The following PPFIA2 variants were observed in gnomAD, a reference collection of about 807,000 sequenced individuals.
PPFIA2 encodes the protein liprin-alpha-2.
In PPFIA2, 46 loss-of-function variants were observed where a neutral mutation model predicts 175.5. The ratio of observed to expected loss-of-function variants is 0.26; its 90% CI spans 0.21 to 0.34. PPFIA2 has a LOEUF of 0.34. Among genes scored for constraint, PPFIA2 ranks in the 10% least tolerant of loss-of-function variants. The pLI, the probability that PPFIA2 is intolerant of heterozygous loss-of-function variation, is 1.00. For synonymous variants in PPFIA2, 568 were observed against 511.4 expected (o/e 1.11, Z -1.49); for missense variants, 1,179 against 1,506.1 (o/e 0.78, Z 3.60).
intron 4 of PPFIA2, among the ~76,000 whole-genome samples, chr12:81,661,122 G>A (rs1316966326): frequency 2.0e-5 from 3 of 152,148 alleles, no homozygotes; most frequent in African/African-American, 2.4e-5. Context: ...ATCGAGGCTA[G>A]GAAGAAACTG....
At chr12:81,384,610 T>C (rs976123472) in intron 8 of PPFIA2, among the ~76,000 whole-genome samples, 4 of 151,976 alleles carry the variant, frequency 2.6e-5, no homozygotes, top group Admixed American at 6.6e-5. Flanking sequence ...TATAACACCA[T>C]ACATTATTTT....
chr12:81,754,561 C>T (rs2084348795), intron 2 of PPFIA2, among the ~76,000 whole-genome samples: 1 of 152,178 alleles, frequency 6.6e-6, no homozygotes, highest in Non-Finnish European at 1.5e-5. Flanking sequence ...TATTTCATCA[C>T]CTTTCTTATC....
intron 8 of PPFIA2, among the ~76,000 whole-genome samples, chr12:81,391,231 G>A (rs1327061263): frequency 6.6e-6 from 1 of 151,882 alleles, no homozygotes; most frequent in Non-Finnish European, 1.5e-5. Flanking sequence ...GGTCTTCAAA[G>A]ATGAGTTATT....
At chr12:81,363,229 C>T (rs2141254135) in intron 14 of PPFIA2, among the ~76,000 whole-genome samples, 1 of 151,348 alleles carries the variant, frequency 6.6e-6, no homozygotes, top group East Asian at 1.9e-4. Flanking sequence ...AACCCTCTGG[C>T]TTTTACTCTG....
At chr12:81,426,548 C>T (rs1303045340) in intron 7 of PPFIA2, among the ~76,000 whole-genome samples, 3 of 152,002 alleles carry the variant, frequency 2.0e-5, no homozygotes, top group South Asian at 2.1e-4. Context: ...ATGGTAAATA[C>T]CAACTGATCA....
intron 30 of PPFIA2, among the ~76,000 whole-genome samples, chr12:81,265,890 C>T (rs2037111611): frequency 6.6e-6 from 1 of 152,064 alleles, no homozygotes; most frequent in Admixed American, 6.6e-5. Context: ...TATAAGACTA[C>T]CTTTTTGAAT....
chr12:81,500,558 G>A (rs1228313320), intron 4 of PPFIA2, among the ~76,000 whole-genome samples: 1 of 152,174 alleles, frequency 6.6e-6, no homozygotes, highest in Non-Finnish European at 1.5e-5. Context: ...ACCCAAGAAA[G>A]TTCCTCCATT....
intron 4 of PPFIA2, among the ~76,000 whole-genome samples, chr12:81,510,570 G>A (rs1160460023): frequency 2.0e-5 from 3 of 152,036 alleles, no homozygotes; most frequent in Admixed American, 6.6e-5. Flanking sequence ...TAGGTTCTAT[G>A]ATTGTACCAA....
At position 81,497,490 on chromosome 12, in the gene PPFIA2, C is replaced by G. The variant is rs549637202; in HGVS notation, c.304-39624G>C. 6.0e-5 allele frequency among the ~76,000 whole-genome samples: 9 copies of G among 150,692 alleles called. No homozygotes were observed. The South Asian group carries it at 1.9e-3, about 32-fold the overall frequency. ...GTAGAAAAAGGGTCTCCTGCCTTCC[C>G]CATGTTAGTCTTTAAGTGACATCCC... On this transcript the variant is annotated intron_variant, in intron 4 of 32. Transcript: ENST00000549396.
chr12:81,413,305 G>T (rs899698618), intron 7 of PPFIA2, among the ~76,000 whole-genome samples: 4 of 151,760 alleles, frequency 2.6e-5, no homozygotes, highest in Non-Finnish European at 4.4e-5. Flanking sequence ...GGAAAAATTG[G>T]ACAGAAATGT....
intron 4 of PPFIA2, among the ~76,000 whole-genome samples, chr12:81,510,290 A>T (rs909486499): frequency 2.0e-5 from 3 of 152,136 alleles, no homozygotes. Flanking sequence ...CACAGGAACC[A>T]TACATTTCTC....
intron 4 of PPFIA2, among the ~76,000 whole-genome samples, chr12:81,633,721 AG>A (rs1408784562): frequency 1.3e-5 from 2 of 152,132 alleles, no homozygotes; most frequent in Non-Finnish European, 2.9e-5. Context: ...TGGATAATTA[AG>A]TAGATAATGA....
rs139830229 is a variant in PPFIA2, at chr12:81,584,529, G to T, written c.303+92262C>A. The stretch of plus-strand genomic sequence containing the variant: ...ACAGTTATACATCATCTAATGACTG[G>T]CTTGTGTTCTGAGAAGTGCGTAATT... On this transcript the variant is annotated intron_variant, in intron 4 of 32. Transcript: ENST00000549396. Among the ~76,000 whole-genome samples, 374 of 151,462 alleles carry T rather than the reference G, an allele frequency of 2.5e-3. 1 individual carries two copies. Among genetic ancestry groups the T allele is most frequent in the African/African-American group, 8.4e-3 (346 of 41,370 alleles).
chr12:81,445,947 G>A (rs1170801161), intron 5 of PPFIA2, among the ~76,000 whole-genome samples: 2 of 152,164 alleles, frequency 1.3e-5, no homozygotes, highest in Non-Finnish European at 2.9e-5. Context: ...ATTTAAAAAT[G>A]TAATGCAAAT....
chr12:81,497,447 C>A (rs1387699742), intron 4 of PPFIA2, among the ~76,000 whole-genome samples: 3 of 149,538 alleles, frequency 2.0e-5, no homozygotes, highest in South Asian at 4.3e-4. Context: ...AACATAGGAA[C>A]ACATAATAGA....
At chr12:81,414,877 G>A (rs1425243425) in intron 7 of PPFIA2, among the ~76,000 whole-genome samples, 1 of 151,138 alleles carries the variant, frequency 6.6e-6, no homozygotes, top group Non-Finnish European at 1.5e-5. Context: ...AAACCATAAA[G>A]GTTGAAACAC....
intron 4 of PPFIA2, among the ~76,000 whole-genome samples, chr12:81,462,585 C>CATATATATATATATATATATACATAT (rs368848726): frequency 1.2e-3 from 148 of 124,632 alleles, no homozygotes; most frequent in South Asian, 3.2e-3. Flanking sequence ...TATATATATA[C>CATATATATATATATATATATACATAT]ATATATATAT....
intron 22 of PPFIA2, among the ~76,000 whole-genome samples, chr12:81,322,624 T>C (rs2053904742): frequency 6.6e-6 from 1 of 152,132 alleles, no homozygotes; most frequent in Non-Finnish European, 1.5e-5. Flanking sequence ...ATAAACCTGC[T>C]GGAGAAATTT....
chr12:81,695,799 G>C (rs2075830051), intron 3 of PPFIA2, among the ~76,000 whole-genome samples: 1 of 151,994 alleles, frequency 6.6e-6, no homozygotes, highest in Non-Finnish European at 1.5e-5. Flanking sequence ...AATTGTTTTT[G>C]GCTTCTTCTG....
Sources: gnomAD v4.1 joint callset for allele counts (sites outside exome capture counted in the v4.1 genomes callset) on GRCh38, gnomAD v4.1.1 for gene constraint, MANE v1.5 for transcripts, NCBI Gene and HGNC (gene_info 2026-07-23, HGNC 2026-07-21) for gene names.